The following COL22A1 variants were observed in gnomAD, a reference collection of about 807,000 sequenced individuals.
The protein encoded by COL22A1 is collagen type XXII alpha 1 chain, also known as collagen alpha-1(XXII) chain.
COL22A1 carries 221 observed loss-of-function variants against 248.9 expected under a neutral mutation model. That is an observed-to-expected ratio of 0.89 (90% CI 0.80 to 0.99). The LOEUF (loss-of-function observed/expected upper bound fraction) is 0.99, where lower values mean the gene tolerates loss of function less well. COL22A1 is among the 50% of genes least tolerant of loss of function. The pLI, the probability that COL22A1 is intolerant of heterozygous loss-of-function variation, is 0.00. For synonymous variants in COL22A1, 891 were observed against 793.4 expected (o/e 1.12, Z -2.07); for missense variants, 2,240 against 2,179.0 (o/e 1.03, Z -0.56).
At chr8:138,690,758 G>A in intron 36 of COL22A1, 63 bp downstream of exon 36, 1 of 1,371,512 alleles carries the variant, frequency 7.3e-7, no homozygotes, top group Non-Finnish European at 1.0e-6. Flanking sequence ...TCTGGCTTTT[G>A]GGGAGGATAC....
rs746130570 is a variant in COL22A1, at chr8:138,787,201, G to A, written c.1597-6221C>T. Among the ~76,000 whole-genome samples the A allele has an allele frequency of 2.6e-5, 4 of 152,008 alleles. No homozygotes were observed. In the South Asian group the frequency reaches 6.2e-4, roughly 24 times the overall value. On this transcript the variant is annotated intron_variant, in intron 12 of 64. Transcript: ENST00000303045. The stretch of plus-strand genomic sequence containing the variant: ...TAGAGGTTGCCCCCAGATTGATAAC[G>A]TCAGGCATAGAAAGATCTTTAAAAG...
rs201334988 is a variant in COL22A1 at position 138,775,937 on chromosome 8, A to G, written c.1803+29T>C. 18 of 1,609,770 alleles carry G rather than the reference A, an allele frequency of 1.1e-5. No homozygotes were observed. The Admixed American group carries it at 1.2e-4, about 10-fold the overall frequency. On this transcript the variant is annotated intron_variant, in intron 16 of 64. Coordinates refer to ENST00000303045, the MANE Select transcript of COL22A1 (RefSeq NM_152888.3). ...CTCTCCCTTTTCTATGGAAAGCCGT[A>G]TTGATGAATGAGTGCAGACTATAAA...
Position 138,617,036 on chromosome 8 carries a change from G to A in COL22A1, c.3826-78C>T, listed in dbSNP as rs138352509. On this transcript the variant is annotated intron_variant, in intron 53 of 64. Transcript: ENST00000303045. Reference sequence around the variant, plus strand: ...AAGTGGGCAGGCATACCTCCCTGCCGGCTTTGACCCACGTTGCCCCCGCTC... The same window carrying A: ...AAGTGGGCAGGCATACCTCCCTGCCAGCTTTGACCCACGTTGCCCCCGCTC... 734 of 1,488,290 alleles carry A rather than the reference G, an allele frequency of 4.9e-4. 7 individuals carry two copies. The African/African-American group carries it at 8.5e-3, about 17-fold the overall frequency. The allele number at this position is 1,488,290 out of a possible 1,614,324, so 92.2% of individuals were successfully genotyped here.
chr8:138,837,214 A>G (rs1820506605), intron 4 of COL22A1, among the ~76,000 whole-genome samples: 1 of 152,152 alleles, frequency 6.6e-6, no homozygotes, highest in Non-Finnish European at 1.5e-5. Flanking sequence ...GTCCCCTGGC[A>G]ATAGCTCTGC....
intron 7 of COL22A1, among the ~76,000 whole-genome samples, chr8:138,817,633 G>T (rs532452103): frequency 6.6e-6 from 1 of 152,260 alleles, no homozygotes; most frequent in Non-Finnish European, 1.5e-5. Flanking sequence ...CTGTTTAGGG[G>T]TCGACCATAT....
At chr8:138,808,856 G>T (rs904531401) in intron 9 of COL22A1, among the ~76,000 whole-genome samples, 1 of 152,142 alleles carries the variant, frequency 6.6e-6, no homozygotes, top group Non-Finnish European at 1.5e-5. Flanking sequence ...CTCACCTAGC[G>T]CCCACAAGAG....
chr8:138,647,249 G>A (rs1006978629), intron 46 of COL22A1, among the ~76,000 whole-genome samples: 8 of 152,200 alleles, frequency 5.3e-5, no homozygotes, highest in African/African-American at 1.9e-4. Flanking sequence ...CTGGATGGAA[G>A]GGGATCTTCT....
intron 22 of COL22A1, among the ~76,000 whole-genome samples, chr8:138,745,800 G>T (rs527992913): frequency 1.3e-5 from 2 of 152,284 alleles, no homozygotes; most frequent in South Asian, 4.1e-4. Context: ...GTGGCCTTGA[G>T]CCAGGCTGGG....
rs780881477 is a variant in COL22A1, at chr8:138,878,100, GCCTTGACCTCCTCCTGCGA to G, written c.289_307del (p.Ser97ArgfsTer126). 3 of 1,601,056 alleles carry G rather than the reference GCCTTGACCTCCTCCTGCGA, an allele frequency of 1.9e-6. No homozygotes were observed. The highest frequency in any genetic ancestry group is 2.6e-6 in the Non-Finnish European group (3 of 1,174,822). On this transcript the variant is annotated frameshift_variant, in exon 3 of 65. Coordinates refer to ENST00000303045, the MANE Select transcript of COL22A1 (RefSeq NM_152888.3). LOFTEE classifies it high-confidence loss of function. ...GTGGTAGGCGAGACGCCGGGCAGCC[GCCTTGACCTCCTCCTGCGA>G]GCCAAAGAGTCCCAACTCGAAGGCC...
chr8:138,605,426 A>G (rs149679062), intron 58 of COL22A1, among the ~76,000 whole-genome samples: 1 of 152,296 alleles, frequency 6.6e-6, no homozygotes, highest in Non-Finnish European at 1.5e-5. Context: ...GTAGCAGCAG[A>G]TTATTAACAA....
At chr8:138,836,289 AAAAGG>A (rs1488258157) in intron 4 of COL22A1, among the ~76,000 whole-genome samples, 3 of 152,108 alleles carry the variant, frequency 2.0e-5, no homozygotes, top group Admixed American at 6.5e-5. Flanking sequence ...AGAAGAAAAG[AAAAGG>A]AAAGGAAAGG....
chr8:138,783,745 A>G (rs1815256736), intron 12 of COL22A1, among the ~76,000 whole-genome samples: 2 of 152,226 alleles, frequency 1.3e-5, no homozygotes, highest in Non-Finnish European at 2.9e-5. Flanking sequence ...TGCTTCCCAG[A>G]GCATTTCCAA....
intron 11 of COL22A1, among the ~76,000 whole-genome samples, chr8:138,800,818 C>T (rs368995770): frequency 9.8e-5 from 15 of 152,298 alleles, no homozygotes; most frequent in African/African-American, 2.9e-4. Flanking sequence ...AGTGACAGCA[C>T]GTGTCCTAAA....
intron 16 of COL22A1, 144 bp from the exon 17 acceptor site, chr8:138,762,610 A>ACAC: frequency 1.5e-4 from 82 of 557,986 alleles, no homozygotes; most frequent in Admixed American, 5.3e-4. Flanking sequence ...ACACACACAC[A>ACAC]ACAGCCCTAG....
chr8:138,763,376 G>A (rs1306511185), intron 16 of COL22A1, among the ~76,000 whole-genome samples: 4 of 142,068 alleles, frequency 2.8e-5, no homozygotes, highest in African/African-American at 9.8e-5. Context: ...GACAGAGTGA[G>A]ACTCTGTCTC....
chr8:138,854,529 G>A (rs1821870932), intron 3 of COL22A1, among the ~76,000 whole-genome samples: 1 of 152,136 alleles, frequency 6.6e-6, no homozygotes, highest in Non-Finnish European at 1.5e-5. Context: ...AGGTGATGGA[G>A]CCCTTCCCAC....
chr8:138,855,088 A>G (rs1389197782), intron 3 of COL22A1, among the ~76,000 whole-genome samples: 2 of 152,200 alleles, frequency 1.3e-5, no homozygotes, highest in Non-Finnish European at 2.9e-5. Flanking sequence ...CAGCTTCCTC[A>G]ATTATAAAAT....
At chr8:138,795,265 A>T (rs1002986184) in intron 12 of COL22A1, among the ~76,000 whole-genome samples, 6 of 152,144 alleles carry the variant, frequency 3.9e-5, no homozygotes, top group African/African-American at 1.2e-4. Flanking sequence ...GGAGACATGA[A>T]CTACATCTGC....
chr8:138,609,400 T>C (rs1418281927), intron 56 of COL22A1, among the ~76,000 whole-genome samples: 1 of 152,316 alleles, frequency 6.6e-6, no homozygotes, highest in Non-Finnish European at 1.5e-5. Context: ...AGCACATGCA[T>C]GGCCATGGCC....
Sources: allele counts gnomAD v4.1 joint callset (sites outside exome capture counted in the v4.1 genomes callset), GRCh38; gene constraint gnomAD v4.1.1; transcripts MANE v1.5; gene names NCBI Gene and HGNC (gene_info 2026-07-23, HGNC 2026-07-21).